Variants in CNTN3 observed in about 807,000 individuals in gnomAD.
CNTN3 encodes the protein contactin-3.
In CNTN3, 60 loss-of-function variants were observed where a neutral mutation model predicts 119.1. The ratio of observed to expected loss-of-function variants is 0.50; its 90% CI spans 0.41 to 0.62. The LOEUF is 0.62. Among genes scored for constraint, CNTN3 ranks in the 20% least tolerant of loss-of-function variants. The pLI, the probability that CNTN3 is intolerant of heterozygous loss-of-function variation, is 0.00. For missense variants in CNTN3, 1,101 were observed against 1,242.4 expected (o/e 0.89, Z 1.71); for synonymous variants, 450 against 438.7 (o/e 1.03, Z -0.32).
At chr3:74,384,252 G>C (rs1224955936) in intron 5 of CNTN3, among the ~76,000 whole-genome samples, 1 of 152,164 alleles carries the variant, frequency 6.6e-6, no homozygotes, top group Non-Finnish European at 1.5e-5. Flanking sequence ...AACAATACAA[G>C]GAAATGCAGG....
rs201015154 is a variant in CNTN3 at position 74,299,809 on chromosome 3, C to A, written c.2166+59G>T. The A allele has an allele frequency of 1.3e-4, 189 of 1,412,570 alleles. 1 individual carries two copies. The East Asian group carries it at 4.3e-3, about 32-fold the overall frequency. 87.5% of individuals were successfully genotyped at this position (1,412,570 alleles called of 1,614,324 possible). ...ACCATTGGCACCACCACCTGGGAAG[C>A]CATAATGATCATGGGAACAGCAAGA... On this transcript the variant is annotated intron_variant, in intron 17 of 22. Coordinates refer to ENST00000263665, the MANE Select transcript of CNTN3 (RefSeq NM_020872.3).
intron 19 of CNTN3, among the ~76,000 whole-genome samples, chr3:74,285,821 AT>A (rs1702104294): frequency 1.5e-5 from 2 of 131,312 alleles, no homozygotes; most frequent in African/African-American, 5.7e-5. Flanking sequence ...ATATATATAT[AT>A]ATATATATAT....
chr3:74,298,646 C>CA lies in CNTN3; in HGVS notation c.2167-456dup, dbSNP rs1394371847. Among the ~76,000 whole-genome samples, 8 of 150,328 alleles carry CA rather than the reference C, an allele frequency of 5.3e-5. No individual in the cohort carries two copies. In the East Asian group the frequency reaches 1.6e-3, roughly 30 times the overall value. On this transcript the variant is annotated intron_variant, in intron 17 of 22. Transcript: ENST00000263665. ...GTACGGTGGCTCACGCCTGTAATCC[C>CA]AGCACTTTGGGAGGCCAAGGCAAGT...
At chr3:74,407,281 T>TTTC (rs1701345129) in intron 5 of CNTN3, among the ~76,000 whole-genome samples, 5 of 147,814 alleles carry the variant, frequency 3.4e-5, no homozygotes. Context: ...TTTTTTTTTT[T>TTTC]TTTTGAGACG....
chr3:74,350,910 T>C (rs976076558), intron 11 of CNTN3, among the ~76,000 whole-genome samples: 5 of 151,876 alleles, frequency 3.3e-5, no homozygotes, highest in Non-Finnish European at 5.9e-5. Context: ...ACAACAGACT[T>C]TGGGGACTCC....
intron 1 of CNTN3, among the ~76,000 whole-genome samples, chr3:74,590,434 GAGA>G (rs1051319168): frequency 1.9e-4 from 29 of 152,180 alleles, no homozygotes; most frequent in Admixed American, 1.8e-3. Context: ...ATTAGCATTT[GAGA>G]AGAAGAACGG....
chr3:74,266,428 G>A, intron 22 of CNTN3, 53 bp downstream of exon 22: 1 of 1,505,648 alleles, frequency 6.6e-7, no homozygotes, highest in Non-Finnish European at 9.2e-7. Flanking sequence ...ACTCACTATG[G>A]CGGATAGTAA....
chr3:74,506,632 T>C, intron 2 of CNTN3, among the ~76,000 whole-genome samples: 1 of 151,320 alleles, frequency 6.6e-6, no homozygotes. Flanking sequence ...GACAGCTTAA[T>C]AGCAACCCCA....
At chr3:74,504,761 G>A (rs1005544099) in intron 2 of CNTN3, among the ~76,000 whole-genome samples, 10 of 124,866 alleles carry the variant, frequency 8.0e-5, no homozygotes, top group African/African-American at 2.8e-4. Flanking sequence ...AAGCTCCAGA[G>A]ATACTTTCCA....
chr3:74,460,751 G>A (rs1426115197), intron 4 of CNTN3, among the ~76,000 whole-genome samples: 2 of 136,304 alleles, frequency 1.5e-5, no homozygotes, highest in African/African-American at 5.5e-5. Flanking sequence ...TAAAAGTAGA[G>A]ATAGTTTTAT....
rs1703403234 is a variant in CNTN3 at position 74,336,671 on chromosome 3, C to T, written c.1365-13G>A. The T allele has an allele frequency of 6.3e-7, 1 of 1,585,794 alleles. No homozygotes were observed. The highest frequency in any genetic ancestry group is 8.6e-7 in the Non-Finnish European group (1 of 1,162,470). ...TAACAAAGAAATTCTAAAGCAAAGA[C>T]AAATAAGATAAATAAATATATAATA... On this transcript the variant is annotated splice_polypyrimidine_tract_variant and intron_variant, in intron 11 of 22. Coordinates refer to ENST00000263665, the MANE Select transcript of CNTN3 (RefSeq NM_020872.3).
intron 5 of CNTN3, among the ~76,000 whole-genome samples, chr3:74,407,526 G>T (rs1401469724): frequency 6.6e-6 from 1 of 151,110 alleles, no homozygotes; most frequent in Admixed American, 6.6e-5. Flanking sequence ...GCCCACCTCG[G>T]CCTCTCAAAG....
chr3:74,349,929 T>C (rs1229625714), intron 11 of CNTN3, among the ~76,000 whole-genome samples: 1 of 152,168 alleles, frequency 6.6e-6, no homozygotes, highest in African/African-American at 2.4e-5. Context: ...TTGAAGTAGA[T>C]TCAAATCCCC....
chr3:74,358,769 C>T (rs1261223495), intron 11 of CNTN3, among the ~76,000 whole-genome samples: 2 of 111,166 alleles, frequency 1.8e-5, no homozygotes, highest in African/African-American at 6.9e-5. Context: ...CCTCCCCCCA[C>T]CCCACAACAG....
chr3:74,398,965 A>C (rs149316636), intron 5 of CNTN3, among the ~76,000 whole-genome samples: 14 of 152,316 alleles, frequency 9.2e-5, no homozygotes, highest in African/African-American at 3.4e-4. Context: ...TAGTGATCGG[A>C]TCAAGATAGT....
chr3:74,389,074 G>A (rs1390943113), intron 5 of CNTN3, among the ~76,000 whole-genome samples: 1 of 152,032 alleles, frequency 6.6e-6, no homozygotes, highest in African/African-American at 2.4e-5. Context: ...GAGAAATTGA[G>A]GTGTTTAAAA....
chr3:74,587,300 T>A (rs1364934873), intron 1 of CNTN3, among the ~76,000 whole-genome samples: 1 of 152,116 alleles, frequency 6.6e-6, no homozygotes, highest in Non-Finnish European at 1.5e-5. Flanking sequence ...GATAGAACTA[T>A]ACACCACTTT....
intron 4 of CNTN3, among the ~76,000 whole-genome samples, chr3:74,427,782 C>T (rs1038983189): frequency 4.6e-5 from 7 of 152,100 alleles, no homozygotes; most frequent in African/African-American, 1.7e-4. Flanking sequence ...AAACTACTCA[C>T]AATTGTTCCA....
At chr3:74,300,229 G>T (rs1054698263) in intron 16 of CNTN3, among the ~76,000 whole-genome samples, 3 of 152,098 alleles carry the variant, frequency 2.0e-5, no homozygotes, top group African/African-American at 7.2e-5. Context: ...CTTAAAACAA[G>T]AAAAAGTGAT....
Sources: gnomAD v4.1 joint callset for allele counts (sites outside exome capture counted in the v4.1 genomes callset) on GRCh38, gnomAD v4.1.1 for gene constraint, MANE v1.5 for transcripts, NCBI Gene and HGNC (gene_info 2026-07-23, HGNC 2026-07-21) for gene names.